The following JAKMIP3 variants were observed in gnomAD, a reference collection of about 807,000 sequenced individuals.
JAKMIP3 encodes janus kinase and microtubule-interacting protein 3.
JAKMIP3 carries 58 observed loss-of-function variants against 118.5 expected under a neutral mutation model. The ratio of observed to expected loss-of-function variants is 0.49; its 90% confidence interval spans 0.40 to 0.61. JAKMIP3 has a LOEUF of 0.61. Ranked by LOEUF, JAKMIP3 falls within the 20% of genes least tolerant of loss-of-function variation. The probability of loss-of-function intolerance (pLI) is 0.00; values close to 1 mark genes in which losing one functional copy is unlikely to be tolerated. For missense variants in JAKMIP3, 950 were observed against 1,109.0 expected (o/e 0.86, Z 2.04); for synonymous variants, 486 against 451.2 (o/e 1.08, Z -0.98).
chr10:132,097,355 G>A (rs922925993), intron 1 of JAKMIP3, among the ~76,000 whole-genome samples: 7 of 152,186 alleles, frequency 4.6e-5, no homozygotes, highest in African/African-American at 1.7e-4. Flanking sequence ...GTGAGAAGGG[G>A]TGAACTGTGG....
At chr10:132,036,618 G>A (rs1025811281), upstream of JAKMIP3, among the ~76,000 whole-genome samples, 7 of 151,224 alleles carry the variant, frequency 4.6e-5, no homozygotes, top group Non-Finnish European at 8.9e-5. Flanking sequence ...GGGGGCGGCG[G>A]GGCGGGCCGG....
chr10:132,127,065 G>A (rs1434242618), intron 3 of JAKMIP3, among the ~76,000 whole-genome samples: 2 of 151,824 alleles, frequency 1.3e-5, no homozygotes, highest in Non-Finnish European at 2.9e-5. Context: ...ATTTGGGTCA[G>A]GAGTTTTGTG....
chr10:132,122,261 G>T (rs2048687213), intron 3 of JAKMIP3, among the ~76,000 whole-genome samples: 1 of 151,954 alleles, frequency 6.6e-6, no homozygotes, highest in Non-Finnish European at 1.5e-5. Flanking sequence ...CTGCCCCCCG[G>T]TCGGCTCCCC....
chr10:132,167,891 G>C (rs540570730), intron 22 of JAKMIP3, 62 bp from the exon 23 acceptor site: 1 of 1,213,734 alleles, frequency 8.2e-7, no homozygotes, highest in Non-Finnish European at 1.1e-6. Context: ...CTCGGCCCTC[G>C]CCCCTCACTC....
chr10:132,180,744 TGCGCGC>T lies in JAKMIP3; in HGVS notation c.*1104-1609_*1104-1604del, dbSNP rs144225577. Among the ~76,000 whole-genome samples, 104 of 21,916 alleles carry T rather than the reference TGCGCGC, an allele frequency of 4.7e-3. 19 individuals carry two copies. The highest frequency in any genetic ancestry group is 0.022 in the East Asian group (3 of 138). 14.4% of individuals were successfully genotyped at this position (21,916 alleles called of 152,430 possible). A position where few individuals can be genotyped will look rare whatever the true frequency, so the allele number is the denominator to read the frequency against. ...GCGTGTGTGTGCGTGTGTGCGTGCG[TGCGCGC>T]GCGTGTGTGCGTGTGTGTGCGTGTG... On this transcript the variant is annotated intron_variant, in intron 23 of 23. Transcript: ENST00000684848.
chr10:132,145,821 C>T (rs1017805657), intron 13 of JAKMIP3, among the ~76,000 whole-genome samples: 2 of 152,126 alleles, frequency 1.3e-5, no homozygotes, highest in African/African-American at 4.8e-5. Flanking sequence ...CCGGGCAGGC[C>T]CCTATCTGCA....
Position 132,153,847 on chromosome 10 carries a change from A to G in JAKMIP3, c.2142+20A>G, listed in dbSNP as rs1484597971. 10 of 1,612,986 alleles carry G rather than the reference A, an allele frequency of 6.2e-6. No homozygotes were observed. Among genetic ancestry groups the G allele is most frequent in the Non-Finnish European group, 8.5e-6 (10 of 1,179,714 alleles). The stretch of plus-strand genomic sequence containing the variant: ...GAGAAGGTTGGTGGCACCTTCACCG[A>G]GGTTCTGCGGCTCGGTGCTGCAGGT... On this transcript the variant is annotated intron_variant, in intron 18 of 23. Coordinates refer to ENST00000684848, the MANE Select transcript of JAKMIP3 (RefSeq NM_001323087.2).
chr10:132,117,114 G>A lies in JAKMIP3; in HGVS notation c.173G>A (p.Arg58Gln), dbSNP rs867161908. The A allele has an allele frequency of 5.6e-6, 9 of 1,611,990 alleles. No individual in the cohort carries two copies. The highest frequency in any genetic ancestry group is 1.3e-5 in the African/African-American group (1 of 75,040). ...KVEREKNQELRQVREHEQHKT... is the reference protein window; with the variant it reads ...KVEREKNQELQQVREHEQHKT... ...GAACGCGAGAAGAACCAGGAGCTGC[G>A]GCAGGTGCGCGAGCATGAGCAGCAT... Residue 58 changes from arginine (R) to glutamine (Q), a missense_variant, in exon 3 of 24, where the codon CGG becomes CAG. Physicochemically the swap from Arg to Gln is conservative, Grantham distance 43. Transcript: ENST00000684848. This position sits in a 1 kb window ranked among gnomAD's most constrained non-coding sequence, Gnocchi z 8.6.
intron 23 of JAKMIP3, chr10:132,181,429 G>A (rs1173247776): frequency 1.3e-5 from 2 of 152,168 alleles, no homozygotes; most frequent in African/African-American, 2.4e-5. Context: ...AAGTGTCACC[G>A]AGGGAAATCC....
At position 132,179,533 on chromosome 10, in the gene JAKMIP3, C is replaced by T. The variant is rs1402180394; in HGVS notation, c.*1104-2824C>T. Among the ~76,000 whole-genome samples, 1 of 152,176 alleles carries T rather than the reference C, an allele frequency of 6.6e-6. No homozygotes were observed. The highest frequency in any genetic ancestry group is 1.9e-4 in the East Asian group (1 of 5,190). ...CATAAACATTTGCCACGTGAATGGC[C>T]AAGTACGTAAAAGAATGCGCTCCCT... is the stretch of plus-strand genomic sequence containing the variant. On this transcript the variant is annotated intron_variant, in intron 23 of 23. Transcript: ENST00000684848. The surrounding 1 kb of genome is among the most constrained non-coding windows in gnomAD (Gnocchi z 4.3).
At chr10:132,143,397 C>T (rs1428754618) in intron 11 of JAKMIP3, among the ~76,000 whole-genome samples, 1 of 152,110 alleles carries the variant, frequency 6.6e-6, no homozygotes, top group Non-Finnish European at 1.5e-5. Context: ...TCCTCCTGGC[C>T]AAGCTCGCCA....
At chr10:132,111,195 C>G (rs533464429) in intron 2 of JAKMIP3, among the ~76,000 whole-genome samples, 2 of 152,366 alleles carry the variant, frequency 1.3e-5, no homozygotes, top group South Asian at 4.1e-4. Context: ...CCTCCTGCCC[C>G]CACAGGAAAC....
At chr10:132,153,500 T>C (rs2056594243) in intron 17 of JAKMIP3, among the ~76,000 whole-genome samples, 2 of 151,836 alleles carry the variant, frequency 1.3e-5, no homozygotes, top group South Asian at 2.1e-4. Flanking sequence ...GATGTGTCTC[T>C]CCTACGGTGC....
intron 1 of JAKMIP3, among the ~76,000 whole-genome samples, chr10:132,056,243 C>T (rs370073794): frequency 5.9e-5 from 9 of 152,184 alleles, no homozygotes; most frequent in African/African-American, 2.2e-4. Context: ...AGCACATTGC[C>T]ACCGGGCTGT....
chr10:132,053,126 C>T (rs1200714157), intron 1 of JAKMIP3, among the ~76,000 whole-genome samples: 1 of 152,186 alleles, frequency 6.6e-6, no homozygotes, highest in Admixed American at 6.5e-5. Context: ...GTTGCTCCTG[C>T]CAGGCAGCTG....
chr10:132,087,262 C>T (rs1318849336), intron 1 of JAKMIP3, among the ~76,000 whole-genome samples: 1 of 152,158 alleles, frequency 6.6e-6, no homozygotes, highest in African/African-American at 2.4e-5. Flanking sequence ...TTATAGGTTA[C>T]CTGGTGCTTT....
At chr10:132,121,186 G>A (rs374184682) in intron 3 of JAKMIP3, among the ~76,000 whole-genome samples, 1 of 152,098 alleles carries the variant, frequency 6.6e-6, no homozygotes, top group African/African-American at 2.4e-5. Flanking sequence ...AGCTGGGGGT[G>A]CTGCTGGACC....
intron 21 of JAKMIP3, among the ~76,000 whole-genome samples, chr10:132,165,822 G>C (rs1359753182): frequency 6.6e-6 from 1 of 152,230 alleles, no homozygotes; most frequent in Non-Finnish European, 1.5e-5. Flanking sequence ...CCTGAGGAAC[G>C]AGTTACTCAA....
At chr10:132,052,686 T>G (rs1564852082) in intron 1 of JAKMIP3, among the ~76,000 whole-genome samples, 1 of 152,246 alleles carries the variant, frequency 6.6e-6, no homozygotes, top group Admixed American at 6.5e-5. Context: ...CCATTGTGCC[T>G]TTTGTTTTAA....
Sources: allele counts gnomAD v4.1 joint callset (sites outside exome capture counted in the v4.1 genomes callset), GRCh38; gene constraint gnomAD v4.1.1; non-coding constraint Gnocchi (gnomAD v3.1); transcripts MANE v1.5; gene names NCBI Gene and HGNC (gene_info 2026-07-23, HGNC 2026-07-21).